Variants in MAP2 observed in about 807,000 individuals in gnomAD.
MAP2 encodes microtubule-associated protein 2.
In MAP2, 14 loss-of-function variants were observed where a neutral mutation model predicts 137.6. That is an observed-to-expected ratio of 0.10 (90% CI 0.07 to 0.16). The LOEUF (loss-of-function observed/expected upper bound fraction) is 0.16, where lower values mean the gene tolerates loss of function less well. Among genes scored for constraint, MAP2 ranks in the 10% least tolerant of loss-of-function variants. The pLI, the probability that MAP2 is intolerant of heterozygous loss-of-function variation, is 1.00. For synonymous variants in MAP2, 786 were observed against 782.3 expected (o/e 1.00, Z -0.08); for missense variants, 2,088 against 2,191.5 (o/e 0.95, Z 0.94).
chr2:209,494,277 G>C (rs1046608929), intron 1 of MAP2, among the ~76,000 whole-genome samples: 8 of 152,014 alleles, frequency 5.3e-5, no homozygotes, highest in South Asian at 2.1e-4. Flanking sequence ...ACCGGGGCCT[G>C]TTGGGGAGGT....
intron 4 of MAP2, among the ~76,000 whole-genome samples, chr2:209,644,088 C>T (rs1195013931): frequency 6.6e-6 from 1 of 152,110 alleles, no homozygotes; most frequent in Non-Finnish European, 1.5e-5. Context: ...TTTGCAAGTC[C>T]CACATTGAGA....
intron 3 of MAP2, among the ~76,000 whole-genome samples, chr2:209,622,784 T>C (rs2091511966): frequency 6.6e-6 from 1 of 152,176 alleles, no homozygotes; most frequent in African/African-American, 2.4e-5. Flanking sequence ...CCTGAGAGTA[T>C]GTATCTCTTT....
intron 3 of MAP2, among the ~76,000 whole-genome samples, chr2:209,588,659 C>A (rs1264296051): frequency 1.3e-5 from 2 of 152,032 alleles, no homozygotes; most frequent in African/African-American, 4.8e-5. Context: ...GGTAAGATTT[C>A]ATGTTAACAT....
intron 1 of MAP2, among the ~76,000 whole-genome samples, chr2:209,480,597 G>A (rs1708488853): frequency 6.6e-6 from 1 of 152,032 alleles, no homozygotes; most frequent in African/African-American, 2.4e-5. Context: ...TCTAGTCCAT[G>A]AGCAGGATTT....
rs980093240 is a variant in MAP2, at chr2:209,426,334, A to T, written c.-222+2058A>T. Reference sequence around the variant, plus strand: ...TTTTATAAAATAATATTTTAGTTATATTAATTTTTATTTTATTTATCTCCT... The same window carrying T: ...TTTTATAAAATAATATTTTAGTTATTTTAATTTTTATTTTATTTATCTCCT... On this transcript the variant is annotated intron_variant, in intron 1 of 15. Transcript: ENST00000682079. Among the ~76,000 whole-genome samples, 16 of 152,188 alleles carry T rather than the reference A, an allele frequency of 1.1e-4. No individual in the cohort carries two copies. In the South Asian group the frequency reaches 3.3e-3, roughly 32 times the overall value.
At chr2:209,722,569 G>T (rs1223412824) in intron 13 of MAP2, among the ~76,000 whole-genome samples, 2 of 151,950 alleles carry the variant, frequency 1.3e-5, no homozygotes, top group Non-Finnish European at 2.9e-5. Flanking sequence ...AGTAGAAGTA[G>T]CCAAAGTAAA....
intron 2 of MAP2, among the ~76,000 whole-genome samples, chr2:209,538,398 TG>T (rs1272208814): frequency 1.3e-5 from 2 of 152,172 alleles, no homozygotes; most frequent in Non-Finnish European, 2.9e-5. Flanking sequence ...TTATATCATT[TG>T]TTCAAGTTCC....
At chr2:209,526,496 AT>A (rs1346324645) in intron 2 of MAP2, among the ~76,000 whole-genome samples, 2 of 149,294 alleles carry the variant, frequency 1.3e-5, no homozygotes, top group Non-Finnish European at 3.0e-5. Flanking sequence ...TTGTTTCTTT[AT>A]TTTTTTCTTT....
chr2:209,573,298 G>GGTTTTTTTTTT (rs770132978), intron 2 of MAP2, among the ~76,000 whole-genome samples: 3 of 120,066 alleles, frequency 2.5e-5, no homozygotes, highest in African/African-American at 1.0e-4. Flanking sequence ...TTCTTTTTCT[G>GGTTTTTTTTTT]TTTTTTTTTT....
chr2:209,600,338 G>A (rs2082616932), intron 3 of MAP2, among the ~76,000 whole-genome samples: 1 of 152,188 alleles, frequency 6.6e-6, no homozygotes, highest in Admixed American at 6.5e-5. Flanking sequence ...AGAAAAGCTG[G>A]CAGGGGCAAT....
In MAP2 at chr2:209,653,141, G is replaced by A. The variant is rs777358022; in HGVS notation, c.-29-1G>A. 3.2e-6 allele frequency: 5 copies of A among 1,547,828 alleles called. No individual in the cohort carries two copies. The Admixed American group carries it at 1.0e-4, about 32-fold the overall frequency. On this transcript the variant is annotated splice_acceptor_variant, in intron 4 of 15. Transcript: ENST00000682079. LOFTEE classifies it low-confidence loss of function (5UTR_SPLICE). ...AATAGCTACTATTTTTTCTCTTTCAGTTGCAGGAGAAATAACAAGGCATTG... is the reference window on the plus strand; with the variant it reads ...AATAGCTACTATTTTTTCTCTTTCAATTGCAGGAGAAATAACAAGGCATTG...
At chr2:209,431,827 A>G (rs926244329) in intron 1 of MAP2, among the ~76,000 whole-genome samples, 1 of 152,144 alleles carries the variant, frequency 6.6e-6, no homozygotes, top group African/African-American at 2.4e-5. Flanking sequence ...ACATGGATAT[A>G]AAAGAGGGAG....
At chr2:209,561,535 G>A (rs1282456915) in intron 2 of MAP2, among the ~76,000 whole-genome samples, 1 of 152,160 alleles carries the variant, frequency 6.6e-6, no homozygotes, top group African/African-American at 2.4e-5. Flanking sequence ...TAAAATGGAG[G>A]TAATAAGAGG....
intron 1 of MAP2, among the ~76,000 whole-genome samples, chr2:209,470,156 T>C (rs925942355): frequency 1.3e-5 from 2 of 152,220 alleles, no homozygotes; most frequent in South Asian, 2.1e-4. Flanking sequence ...TAGTATAGCA[T>C]GTTTGAATTT....
chr2:209,682,072 A>G (rs1266196866), intron 7 of MAP2, among the ~76,000 whole-genome samples: 2 of 152,126 alleles, frequency 1.3e-5, no homozygotes, highest in African/African-American at 4.8e-5. Flanking sequence ...TTAATCTTTT[A>G]ATTTATAGGT....
chr2:209,675,393 A>G (rs916975666), intron 5 of MAP2, among the ~76,000 whole-genome samples: 1 of 151,898 alleles, frequency 6.6e-6, no homozygotes, highest in African/African-American at 2.4e-5. Flanking sequence ...CTTCCCATCT[A>G]CAATAAATGA....
intron 6 of MAP2, 57 bp from the exon 7 acceptor site, chr2:209,680,693 C>G: frequency 6.9e-7 from 1 of 1,443,120 alleles, no homozygotes; most frequent in South Asian, 1.1e-5. Flanking sequence ...TCCTACACAT[C>G]TACCAGCCTA....
chr2:209,719,038 AG>A (rs2068996097), intron 13 of MAP2, among the ~76,000 whole-genome samples: 1 of 152,218 alleles, frequency 6.6e-6, no homozygotes, highest in African/African-American at 2.4e-5. Context: ...TACTTTCGAA[AG>A]AGAGAGAAAG....
At chr2:209,441,824 CTG>C (rs774334053) in intron 1 of MAP2, among the ~76,000 whole-genome samples, 9 of 151,582 alleles carry the variant, frequency 5.9e-5, no homozygotes, top group Non-Finnish European at 1.2e-4. Flanking sequence ...CACAAGATAA[CTG>C]TGCATGGAAC....
Sources: allele counts gnomAD v4.1 joint callset (sites outside exome capture counted in the v4.1 genomes callset), GRCh38; gene constraint gnomAD v4.1.1; transcripts MANE v1.5; gene names NCBI Gene and HGNC (gene_info 2026-07-23, HGNC 2026-07-21).